Variants in ADAMTSL2 observed in about 807,000 individuals in gnomAD.
ADAMTSL2 encodes ADAMTS like 2.
A neutral mutation model predicts 117.0 loss-of-function variants in ADAMTSL2; 55 were observed. The observed-to-expected ratio is 0.47, with a 90% CI of 0.38 to 0.59. The LOEUF is 0.59. Ranked by LOEUF, ADAMTSL2 falls within the 20% of genes least tolerant of loss-of-function variation. The probability of loss-of-function intolerance (pLI) is 0.00; values close to 1 mark genes in which losing one functional copy is unlikely to be tolerated. For missense variants in ADAMTSL2, 1,182 were observed against 1,354.5 expected, an observed-to-expected ratio of 0.87 and a Z score of 2.00; for synonymous variants, 572 against 566.4, an observed-to-expected ratio of 1.01 and a Z score of -0.14.
At chr9:133,572,575 C>T (rs992198244) in intron 17 of ADAMTSL2, among the ~76,000 whole-genome samples, 1 of 152,140 alleles carries the variant, frequency 6.6e-6, no homozygotes, top group South Asian at 2.1e-4. Context: ...CCAGGAAACA[C>T]GGACCCACTA....
In ADAMTSL2 at chr9:133,537,844, T is replaced by C. The variant is rs765900387; in HGVS notation, c.233+297T>C. ...CGGAGAACCACCCTGACTTCTCTTC[T>C]GAAGACCTGAGTGAGGGTCTTTAGA... is the stretch of plus-strand genomic sequence containing the variant. On this transcript the variant is annotated intron_variant, in intron 3 of 18. Coordinates refer to ENST00000651351, the MANE Select transcript of ADAMTSL2 (RefSeq NM_014694.4). Among the ~76,000 whole-genome samples the C allele has an allele frequency of 9.8e-5, 15 of 152,340 alleles. 1 individual carries two copies. The East Asian group carries it at 2.5e-3, about 25-fold the overall frequency.
intron 5 of ADAMTSL2, 105 bp from the exon 6 acceptor site, chr9:133,540,493 C>T (rs572637683): frequency 3.4e-6 from 5 of 1,472,212 alleles, no homozygotes; most frequent in African/African-American, 2.8e-5. Context: ...CTGAGTTGCC[C>T]CATCTATGCA....
chr9:133,555,828 A>T lies in ADAMTSL2; in HGVS notation c.1547A>T (p.Glu516Val). The change falls in exon 11 of 19, where the codon GAG (glutamate) becomes GTG (valine). Residue 516 changes from glutamate (E) to valine (V), a missense_variant. By Grantham distance (121) the Glu-to-Val change is moderately radical. Coordinates refer to ENST00000651351, the MANE Select transcript of ADAMTSL2 (RefSeq NM_014694.4). ...TACCTGCTCAACGGGTCCTACCTGGAGCTGAGCAGCGACAGGGTTGCCAAC... is the reference window on the plus strand; with the variant it reads ...TACCTGCTCAACGGGTCCTACCTGGTGCTGAGCAGCGACAGGGTTGCCAAC... The part of the protein sequence containing the change: ...GPYLLNGSYL[E>V]LSSDRVANSS... 6.2e-7 allele frequency: 1 copy of T among 1,613,718 alleles called. No individual in the cohort carries two copies. Among genetic ancestry groups the T allele is most frequent in the Non-Finnish European group, 8.5e-7 (1 of 1,180,014 alleles).
In ADAMTSL2 at chr9:133,574,874, C is replaced by G; in HGVS notation, c.*10C>G. On this transcript the variant is annotated 3_prime_UTR_variant, in exon 19 of 19. Transcript: ENST00000651351. ...GCCCCCCCACTCCTAGGCCCGGCAG[C>G]TGCAGCCCCTTCCAGATGAAGACCA... 1.3e-6 allele frequency: 2 copies of G among 1,593,152 alleles called. No individual in the cohort carries two copies. Among genetic ancestry groups the G allele is most frequent in the Non-Finnish European group, 1.7e-6 (2 of 1,163,888 alleles).
At chr9:133,542,170 A>G (rs143803425) in intron 7 of ADAMTSL2, among the ~76,000 whole-genome samples, 79 of 152,330 alleles carry the variant, frequency 5.2e-4, no homozygotes, top group African/African-American at 1.9e-3. Flanking sequence ...TGTTGGCTCC[A>G]GGAGGTGCCA....
intron 9 of ADAMTSL2, among the ~76,000 whole-genome samples, chr9:133,550,588 C>T (rs1403992353): frequency 3.3e-5 from 5 of 152,112 alleles, no homozygotes; most frequent in Non-Finnish European, 1.5e-5. Context: ...AGCACTTCCC[C>T]TTCCAGGATG....
At chr9:133,571,128 C>A (rs1231185565) in intron 17 of ADAMTSL2, among the ~76,000 whole-genome samples, 4 of 152,176 alleles carry the variant, frequency 2.6e-5, no homozygotes, top group African/African-American at 9.7e-5. Context: ...CCCTCCCACC[C>A]TGAGGCCCTG....
chr9:133,566,286 C>G (rs1830970909), intron 12 of ADAMTSL2, among the ~76,000 whole-genome samples: 1 of 152,142 alleles, frequency 6.6e-6, no homozygotes, highest in Admixed American at 6.5e-5. Flanking sequence ...CATAAAAATA[C>G]AAAAATTAGC....
chr9:133,569,642 G>T (rs1831058775), intron 16 of ADAMTSL2, 64 bp downstream of exon 16: 3 of 1,494,566 alleles, frequency 2.0e-6, no homozygotes, highest in Non-Finnish European at 1.8e-6. Context: ...CCAGAGAGGA[G>T]AGCCAGATGG....
chr9:133,534,850 TGGCGCC>T lies in ADAMTSL2; in HGVS notation c.-216_-211del. 1 of 1,496,210 alleles carries T rather than the reference TGGCGCC, an allele frequency of 6.7e-7. No individual in the cohort carries two copies. The highest frequency in any genetic ancestry group is 8.9e-7 in the Non-Finnish European group (1 of 1,118,404). The allele number at this position is 1,496,210 out of a possible 1,614,324, so 92.7% of individuals were successfully genotyped here. On this transcript the variant is annotated 5_prime_UTR_variant, in exon 1 of 19. Coordinates refer to ENST00000651351, the MANE Select transcript of ADAMTSL2 (RefSeq NM_014694.4). The stretch of plus-strand genomic sequence containing the variant: ...GCCGCCCCCGCACGCACAGCGCACC[TGGCGCC>T]GTCTGCCCTCCGCAGCGCTCGCCCC...
intron 4 of ADAMTSL2, among the ~76,000 whole-genome samples, chr9:133,538,955 A>G (rs1830123276): frequency 6.6e-6 from 1 of 152,182 alleles, no homozygotes; most frequent in Non-Finnish European, 1.5e-5. Flanking sequence ...TGGAACCTGA[A>G]CACCTTTCCA....
At position 133,558,076 on chromosome 9, in the gene ADAMTSL2, C is replaced by G. The variant is rs1358997237; in HGVS notation, c.1649+2146C>G. 2.0e-5 allele frequency among the ~76,000 whole-genome samples: 3 copies of G among 152,186 alleles called. No individual in the cohort carries two copies. In the East Asian group the frequency reaches 5.8e-4, roughly 29 times the overall value. ...CCGCTTTGTAAAGAGTCTCTCCTGC[C>G]CCATCTTGGTTGACTCTTACCCTCC... On this transcript the variant is annotated intron_variant, in intron 11 of 18. Coordinates refer to ENST00000651351, the MANE Select transcript of ADAMTSL2 (RefSeq NM_014694.4). This position sits in a 1 kb window ranked among gnomAD's most constrained non-coding sequence, Gnocchi z 4.3.
rs1830721690 is a variant in ADAMTSL2 at position 133,561,256 on chromosome 9, C to A, written c.1708C>A (p.Leu570Ile). The change falls in exon 12 of 19, where the codon CTC becomes ATC. Residue 570 changes from leucine to isoleucine, a missense_variant. Transcript: ENST00000651351. ...VSPADMYRWK[L>I]SSHEPCSATC... ...TCCCGCGGACATGTACCGGTGGAAG[C>A]TCTCGTCCCACGAGCCCTGCAGTGC... The A allele has an allele frequency of 1.2e-6, 2 of 1,607,066 alleles. No homozygotes were observed. The highest frequency in any genetic ancestry group is 3.4e-5 in the Admixed American group (2 of 59,378).
Position 133,536,580 on chromosome 9 carries a change from C to T in ADAMTSL2, c.-133C>T, listed in dbSNP as rs746029004. ...CCCAACAGGGTCTGCCAGACAACCA[C>T]GACCAACTAGTCCCAGATAACCTTG... On this transcript the variant is annotated 5_prime_UTR_variant, in exon 2 of 19. The change creates a new upstream start codon in the 5' untranslated region. Transcript: ENST00000651351. 3.8e-6 allele frequency: 6 copies of T among 1,594,876 alleles called. No individual in the cohort carries two copies. The highest frequency in any genetic ancestry group is 4.5e-5 in the East Asian group (2 of 44,232).
chr9:133,536,684 T>G lies in ADAMTSL2; in HGVS notation c.-29T>G, dbSNP rs924855974. 6.2e-7 allele frequency: 1 copy of G among 1,614,052 alleles called. No individual in the cohort carries two copies. Among genetic ancestry groups the G allele is most frequent in the African/African-American group, 1.3e-5 (1 of 74,944 alleles). ...ATCTGGAAGAGGATCGGAGCTGGCC[T>G]GGTGGTGACAGTGGCCTTGCTTCCT... On this transcript the variant is annotated 5_prime_UTR_variant, in exon 2 of 19. Transcript: ENST00000651351.
intron 17 of ADAMTSL2, among the ~76,000 whole-genome samples, chr9:133,571,556 C>G (rs1831107122): frequency 6.6e-6 from 1 of 152,204 alleles, no homozygotes; most frequent in African/African-American, 2.4e-5. Context: ...CTCCGGGTGA[C>G]TCCAGAGCCT....
At chr9:133,574,130 T>C in intron 18 of ADAMTSL2, 143 bp downstream of exon 18, 1 of 1,137,800 alleles carries the variant, frequency 8.8e-7, no homozygotes, top group Non-Finnish European at 1.3e-6. Flanking sequence ...GTGCAGGGAG[T>C]GGGGGCTCCC....
chr9:133,556,078 G>C (rs1452179367), intron 11 of ADAMTSL2, 148 bp downstream of exon 11: 16 of 1,095,476 alleles, frequency 1.5e-5, no homozygotes, highest in Non-Finnish European at 2.0e-5. Flanking sequence ...TTCTTCCCGG[G>C]GTTCTCCACT....
chr9:133,572,149 G>A (rs1274264939), intron 17 of ADAMTSL2, among the ~76,000 whole-genome samples: 1 of 152,066 alleles, frequency 6.6e-6, no homozygotes, highest in African/African-American at 2.4e-5. Context: ...ACGCTTGGTG[G>A]TGTCTGGCCT....
Sources: allele counts gnomAD v4.1 joint callset (sites outside exome capture counted in the v4.1 genomes callset), GRCh38; gene constraint gnomAD v4.1.1; non-coding constraint Gnocchi (gnomAD v3.1); transcripts MANE v1.5; gene names NCBI Gene and HGNC (gene_info 2026-07-23, HGNC 2026-07-21).